Variants in ELAVL1 observed in about 807,000 individuals in gnomAD.
ELAVL1 encodes ELAV like RNA binding protein 1.
In ELAVL1, 1 loss-of-function variant was observed where a neutral mutation model predicts 28.4. That is an observed-to-expected ratio of 0.04 (90% CI 0.01 to 0.17). ELAVL1 has a LOEUF of 0.17. Among genes scored for constraint, ELAVL1 ranks in the 10% least tolerant of loss-of-function variants. The pLI is 1.00. For missense variants in ELAVL1, 157 were observed against 447.2 expected, an observed-to-expected ratio of 0.35 and a Z score of 5.85; for synonymous variants, 174 against 183.5, an observed-to-expected ratio of 0.95 and a Z score of 0.42.
intron 4 of ELAVL1, among the ~76,000 whole-genome samples, chr19:7,971,693 A>AG (rs1374043464): frequency 2.0e-5 from 3 of 152,202 alleles, no homozygotes; most frequent in Non-Finnish European, 4.4e-5. Flanking sequence ...GCCCGGTGCC[A>AG]GGGCGCGAGT....
chr19:7,989,167 T>C (rs1599676354), intron 2 of ELAVL1, among the ~76,000 whole-genome samples: 1 of 151,842 alleles, frequency 6.6e-6, no homozygotes, highest in Admixed American at 6.6e-5. Context: ...GGGAGAGGGG[T>C]GGTGAGACCT....
intron 4 of ELAVL1, among the ~76,000 whole-genome samples, chr19:7,971,960 A>G (rs1985125620): frequency 6.6e-6 from 1 of 152,216 alleles, no homozygotes; most frequent in African/African-American, 2.4e-5. Flanking sequence ...GTGCACATGA[A>G]AGGCGAGGCT....
chr19:7,989,557 G>A (rs557440953), intron 2 of ELAVL1, among the ~76,000 whole-genome samples: 10 of 152,206 alleles, frequency 6.6e-5, no homozygotes, highest in Non-Finnish European at 1.5e-5. Context: ...GAGAATAACT[G>A]CAAATTCCAT....
rs774920988 is a variant in ELAVL1 at position 7,967,621 on chromosome 19, G to A, written c.600C>T (p.Tyr200=). ...CTCCGAACCGTCGCGCTGGCGAGTG[G>A]TACAGCTGCGAGAGGAGTGCCACGT... The part of the protein sequence containing the change: ...NKNVALLSQL[Y]HSPARRFGGP... The change falls in exon 5 of 6, where the codon TAC becomes TAT. Residue 200 remains tyrosine (Y), a synonymous_variant. Transcript: ENST00000407627. 258 of 1,614,094 alleles carry A rather than the reference G, an allele frequency of 1.6e-4. No homozygotes were observed. Among genetic ancestry groups the A allele is most frequent in the Non-Finnish European group, 2.0e-4 (235 of 1,180,044 alleles).
rs1003844957 is a variant in ELAVL1 at position 7,982,126 on chromosome 19, T to C, written c.173-940A>G. On this transcript the variant is annotated intron_variant, in intron 2 of 5. Transcript: ENST00000407627. The surrounding 1 kb of genome is among the most constrained non-coding windows in gnomAD (Gnocchi z 4.3). ...GTGAACACCCACTCACTGGATACCA[T>C]GGGAGGGACTCGGGAGGGCAAGGGC... 7.2e-5 allele frequency among the ~76,000 whole-genome samples: 11 copies of C among 152,068 alleles called. No individual in the cohort carries two copies. Among genetic ancestry groups the C allele is most frequent in the African/African-American group, 2.2e-4 (9 of 41,384 alleles).
chr19:7,995,536 T>C (rs1204494), intron 1 of ELAVL1, among the ~76,000 whole-genome samples: 132,337 of 152,166 alleles, frequency 0.87, 57,908 homozygotes, highest in African/African-American at 0.96. Flanking sequence ...TTTATTGGAA[T>C]ACAGCTTGTC....
intron 1 of ELAVL1, chr19:8,002,193 C>T (rs1486779294): frequency 8.3e-7 from 1 of 1,201,090 alleles, no homozygotes; most frequent in East Asian, 5.7e-5. Context: ...GATGTTCCCA[C>T]CTCCGGGCTT....
At chr19:7,968,209 G>A (rs915372975) in intron 4 of ELAVL1, among the ~76,000 whole-genome samples, 1 of 152,202 alleles carries the variant, frequency 6.6e-6, no homozygotes, top group East Asian at 1.9e-4. Flanking sequence ...TGGGGACTGC[G>A]TCTGAGAGAT....
chr19:7,984,506 GC>G (rs1254443657), intron 2 of ELAVL1, among the ~76,000 whole-genome samples: 16 of 152,240 alleles, frequency 1.1e-4, no homozygotes, highest in Non-Finnish European at 2.2e-4. Context: ...GTGGCCACTG[GC>G]AGCAGGGCAG....
chr19:7,991,898 T>C lies in ELAVL1; in HGVS notation c.-16-67A>G, dbSNP rs117804233. The stretch of plus-strand genomic sequence containing the variant: ...TTGCAGTATATGAAGGCAAAACTAG[T>C]AACTGCATTTGCACTTAGAGATTTT... On this transcript the variant is annotated intron_variant, in intron 1 of 5. Coordinates refer to ENST00000407627, the MANE Select transcript of ELAVL1 (RefSeq NM_001419.3). 4.1e-6 allele frequency: 5 copies of C among 1,226,948 alleles called. No individual in the cohort carries two copies. The East Asian group carries it at 1.1e-4, about 26-fold the overall frequency. The allele number at this position is 1,226,948 out of a possible 1,614,324, so 76.0% of individuals were successfully genotyped here. A position where few individuals can be genotyped will look rare whatever the true frequency, so the allele number is the denominator to read the frequency against.
rs372177245 is a variant in ELAVL1, at chr19:7,982,039, G to A, written c.173-853C>T. On this transcript the variant is annotated intron_variant, in intron 2 of 5. Coordinates refer to ENST00000407627, the MANE Select transcript of ELAVL1 (RefSeq NM_001419.3). This position sits in a 1 kb window ranked among gnomAD's most constrained non-coding sequence, Gnocchi z 4.3. ...CCCAGCCCTGCCAGACAGTGGGGGA[G>A]AACCAGGTTCACAGGCAGATGTCCC... Among the ~76,000 whole-genome samples the A allele has an allele frequency of 1.9e-4, 29 of 152,334 alleles. No individual in the cohort carries two copies. The South Asian group carries it at 5.8e-3, about 30-fold the overall frequency.
At chr19:7,973,276 G>A (rs946872128) in intron 4 of ELAVL1, 5 of 180,114 alleles carry the variant, frequency 2.8e-5, no homozygotes, top group Admixed American at 6.9e-5. Context: ...TGTCACCCAC[G>A]CTGGAGTGCA....
chr19:7,996,485 G>A (rs140118562), intron 1 of ELAVL1, among the ~76,000 whole-genome samples: 4,028 of 150,852 alleles, frequency 0.027, 87 homozygotes, highest in Non-Finnish European at 0.043. Flanking sequence ...CACCACGCCT[G>A]GCCCAGAACA....
At chr19:7,974,002 T>C (rs1205849684) in intron 3 of ELAVL1, 124 bp from the exon 4 acceptor site, 1 of 1,271,130 alleles carries the variant, frequency 7.9e-7, no homozygotes, top group Non-Finnish European at 1.1e-6. Context: ...GGAACGATTA[T>C]CATCACTGAC....
At chr19:7,991,420 A>G (rs1266904606) in intron 2 of ELAVL1, among the ~76,000 whole-genome samples, 1 of 152,148 alleles carries the variant, frequency 6.6e-6, no homozygotes, top group African/African-American at 2.4e-5. Context: ...TATTTTGTAC[A>G]TGCTCTCTGT....
intron 2 of ELAVL1, among the ~76,000 whole-genome samples, chr19:7,990,509 G>C (rs1985722749): frequency 6.6e-6 from 1 of 150,718 alleles, no homozygotes; most frequent in African/African-American, 2.4e-5. Context: ...CAGGACCACA[G>C]ATGCGGGCCA....
At chr19:7,996,245 G>C (rs1405725394) in intron 1 of ELAVL1, among the ~76,000 whole-genome samples, 3 of 148,770 alleles carry the variant, frequency 2.0e-5, no homozygotes, top group Non-Finnish European at 4.4e-5. Context: ...GCAGTGGCAT[G>C]ATCTCCGCTC....
chr19:7,987,593 C>T (rs1441930956), intron 2 of ELAVL1, among the ~76,000 whole-genome samples: 2 of 152,232 alleles, frequency 1.3e-5, no homozygotes, highest in Admixed American at 1.3e-4. Flanking sequence ...CATCACGCCC[C>T]TCCTTCCTCC....
chr19:7,980,087 G>T (rs1465106853), intron 3 of ELAVL1, among the ~76,000 whole-genome samples: 1 of 152,204 alleles, frequency 6.6e-6, no homozygotes, highest in Non-Finnish European at 1.5e-5. Context: ...TGGGGCAGGG[G>T]AATCTAGCAG....
Sources: gnomAD v4.1 joint callset for allele counts (sites outside exome capture counted in the v4.1 genomes callset) on GRCh38, gnomAD v4.1.1 for gene constraint, Gnocchi (gnomAD v3.1) non-coding constraint, MANE v1.5 for transcripts, NCBI Gene and HGNC (gene_info 2026-07-23, HGNC 2026-07-21) for gene names.